AK5: variants seen among roughly 807,000 people sequenced by gnomAD.
The protein encoded by AK5 is adenylate kinase isoenzyme 5.
In AK5, 27 loss-of-function variants were observed where a neutral mutation model predicts 69.5. That is an observed-to-expected ratio of 0.39 (90% confidence interval 0.29 to 0.54). The LOEUF (loss-of-function observed/expected upper bound fraction) is 0.54. Among genes scored for constraint, AK5 ranks in the 20% least tolerant of loss-of-function variants. The probability of loss-of-function intolerance (pLI) is 0.71; values close to 1 mark genes in which losing one functional copy is unlikely to be tolerated. For missense variants in AK5, 531 were observed against 700.4 expected (o/e 0.76, Z 2.73); for synonymous variants, 260 against 244.4 (o/e 1.06, Z -0.60).
chr1:77,460,443 T>A (rs540331382), intron 8 of AK5, among the ~76,000 whole-genome samples: 1 of 152,248 alleles, frequency 6.6e-6, no homozygotes, highest in African/African-American at 2.4e-5. Context: ...TGTTTGTTCA[T>A]AGACTTTGGC....
chr1:77,385,062 A>G (rs1418134443), intron 6 of AK5, among the ~76,000 whole-genome samples: 1 of 152,226 alleles, frequency 6.6e-6, no homozygotes, highest in Admixed American at 6.5e-5. Context: ...TGAGATGCTC[A>G]GGACAGGGCA....
At chr1:77,531,998 CCG>C (rs1557658265) in intron 12 of AK5, 1 of 139,052 alleles carries the variant, frequency 7.2e-6, no homozygotes, top group East Asian at 2.0e-4. Flanking sequence ...ATCCGGCCGG[CCG>C]GCCGGCCGCT....
chr1:77,503,317 A>T (rs987642579), intron 10 of AK5, among the ~76,000 whole-genome samples: 2 of 151,488 alleles, frequency 1.3e-5, no homozygotes, highest in Non-Finnish European at 2.9e-5. Context: ...TAGAGGGCTA[A>T]AGGATTGTTT....
At chr1:77,322,523 A>G (rs577337482) in intron 5 of AK5, among the ~76,000 whole-genome samples, 4 of 152,250 alleles carry the variant, frequency 2.6e-5, no homozygotes, top group African/African-American at 7.2e-5. Context: ...CAGCTTTACC[A>G]TGTGGAGATT....
chr1:77,404,073 G>A (rs1342329821), intron 6 of AK5, among the ~76,000 whole-genome samples: 1 of 152,172 alleles, frequency 6.6e-6, no homozygotes, highest in African/African-American at 2.4e-5. Flanking sequence ...GTGAATGGGA[G>A]TTCACTCATG....
At chr1:77,376,123 C>T (rs1647226648) in intron 6 of AK5, among the ~76,000 whole-genome samples, 1 of 152,168 alleles carries the variant, frequency 6.6e-6, no homozygotes, top group Admixed American at 6.5e-5. Context: ...TTCAGCACAG[C>T]TTCAGACTCC....
At chr1:77,347,560 G>C (rs565908531) in intron 6 of AK5, among the ~76,000 whole-genome samples, 1 of 152,100 alleles carries the variant, frequency 6.6e-6, no homozygotes, top group East Asian at 1.9e-4. Flanking sequence ...ATTGAAAAGT[G>C]AATCTGATTA....
chr1:77,453,356 T>G (rs1653270747), intron 8 of AK5, among the ~76,000 whole-genome samples: 1 of 152,234 alleles, frequency 6.6e-6, no homozygotes, highest in South Asian at 2.1e-4. Context: ...GTCAGGATTT[T>G]TTCATATTTT....
chr1:77,342,592 A>G (rs1302098631), intron 6 of AK5, among the ~76,000 whole-genome samples: 1 of 152,214 alleles, frequency 6.6e-6, no homozygotes, highest in East Asian at 1.9e-4. Context: ...ACGCAAACAC[A>G]GGCTAAGCTC....
intron 1 of AK5, among the ~76,000 whole-genome samples, chr1:77,283,965 C>A (rs1163233815): frequency 1.3e-5 from 2 of 151,970 alleles, no homozygotes; most frequent in African/African-American, 2.4e-5. Flanking sequence ...TGGAAGGTAA[C>A]CACAGAGAAG....
At chr1:77,391,421 G>GTA (rs1304441229) in intron 6 of AK5, among the ~76,000 whole-genome samples, 2 of 123,070 alleles carry the variant, frequency 1.6e-5, no homozygotes, top group East Asian at 4.3e-4. Context: ...ACATATATAT[G>GTA]TATATATATA....
chr1:77,435,951 C>T (rs918529806), intron 8 of AK5, among the ~76,000 whole-genome samples: 8 of 152,150 alleles, frequency 5.3e-5, no homozygotes, highest in African/African-American at 1.2e-4. Context: ...AAACCTTTCA[C>T]GATCTGCACA....
chr1:77,510,192 C>T (rs943356119), intron 10 of AK5, among the ~76,000 whole-genome samples: 1 of 152,144 alleles, frequency 6.6e-6, no homozygotes, highest in African/African-American at 2.4e-5. Context: ...TGACACTGGG[C>T]CAGGTTCTGT....
At chr1:77,361,946 C>A (rs1646872714) in intron 6 of AK5, among the ~76,000 whole-genome samples, 1 of 152,138 alleles carries the variant, frequency 6.6e-6, no homozygotes, top group East Asian at 1.9e-4. Context: ...AATCATATCA[C>A]CCTACTCTGC....
chr1:77,346,722 T>C (rs906027016), intron 6 of AK5, among the ~76,000 whole-genome samples: 31 of 152,128 alleles, frequency 2.0e-4, no homozygotes, highest in African/African-American at 7.5e-4. Context: ...GGTCTCGGAC[T>C]CCTGAGCTAA....
intron 6 of AK5, among the ~76,000 whole-genome samples, chr1:77,399,010 C>A (rs1257639761): frequency 1.3e-5 from 2 of 152,156 alleles, no homozygotes; most frequent in Non-Finnish European, 2.9e-5. Context: ...GATTGAGAAG[C>A]AATGCATTAT....
intron 8 of AK5, 143 bp downstream of exon 8, chr1:77,417,858 G>GTAGTC (rs1242455967): frequency 1.8e-6 from 1 of 542,054 alleles, no homozygotes; most frequent in Non-Finnish European, 3.2e-6. Context: ...ATAAATTACA[G>GTAGTC]TAGTCTACAG....
At chr1:77,319,326 A>G (rs996150691) in intron 5 of AK5, among the ~76,000 whole-genome samples, 2 of 152,244 alleles carry the variant, frequency 1.3e-5, no homozygotes, top group Non-Finnish European at 2.9e-5. Context: ...TATACATTTC[A>G]GAAGAGTCAT....
At chr1:77,384,051 A>AT (rs1310630971) in intron 6 of AK5, among the ~76,000 whole-genome samples, 1 of 152,164 alleles carries the variant, frequency 6.6e-6, no homozygotes, top group Non-Finnish European at 1.5e-5. Flanking sequence ...TAAATTTCAC[A>AT]TTTTTAAAAA....
Sources: gnomAD v4.1 joint callset for allele counts (sites outside exome capture counted in the v4.1 genomes callset) on GRCh38, gnomAD v4.1.1 for gene constraint, MANE v1.5 for transcripts, NCBI Gene and HGNC (gene_info 2026-07-23, HGNC 2026-07-21) for gene names.